The following CLIP4 variants were observed in gnomAD, a reference collection of about 807,000 sequenced individuals.
The protein encoded by CLIP4 is CAP-Gly domain-containing linker protein 4.
Under a neutral mutation model 73.1 loss-of-function variants are expected in CLIP4, and 47 were observed. That is an observed-to-expected ratio of 0.64 (90% CI 0.51 to 0.82). The LOEUF is 0.82. Ranked by LOEUF, CLIP4 falls within the 40% of genes least tolerant of loss-of-function variation. CLIP4 has a pLI of 0.00. For missense variants in CLIP4, 874 were observed against 852.9 expected (o/e 1.02, Z -0.31); for synonymous variants, 306 against 295.4 (o/e 1.04, Z -0.37).
intron 11 of CLIP4, 138 bp from the exon 12 acceptor site, chr2:29,160,195 T>C (rs1385406153): frequency 1.3e-5 from 13 of 990,430 alleles, no homozygotes; most frequent in Non-Finnish European, 1.8e-5. Context: ...AGGCATCAGA[T>C]ATCAAAATCA....
At chr2:29,151,697 G>C (rs1666579835) in intron 8 of CLIP4, among the ~76,000 whole-genome samples, 1 of 152,072 alleles carries the variant, frequency 6.6e-6, no homozygotes, top group South Asian at 2.1e-4. Context: ...AGTTGTTTTT[G>C]ATATATTCCA....
At position 29,147,125 on chromosome 2, in the gene CLIP4, G is replaced by A. The variant is rs546095712; in HGVS notation, c.1021+1758G>A. Among the ~76,000 whole-genome samples the A allele has an allele frequency of 6.7e-4, 102 of 152,146 alleles. 1 individual carries two copies. Among genetic ancestry groups the A allele is most frequent in the African/African-American group, 2.3e-3 (94 of 41,534 alleles). On this transcript the variant is annotated intron_variant, in intron 8 of 15. Transcript: ENST00000320081. ...ACATATTGTTTGAAAATTTGATTTTGAATAGCTCCATTTCCTTTAATTTTT... is the reference window on the plus strand; with the variant it reads ...ACATATTGTTTGAAAATTTGATTTTAAATAGCTCCATTTCCTTTAATTTTT...
At chr2:29,137,471 G>A (rs1665451300) in intron 6 of CLIP4, among the ~76,000 whole-genome samples, 1 of 152,108 alleles carries the variant, frequency 6.6e-6, no homozygotes, top group Non-Finnish European at 1.5e-5. Flanking sequence ...TATGAATCGT[G>A]CTGTGAAAAA....
chr2:29,123,964 C>CAT (rs1664429918), intron 2 of CLIP4, among the ~76,000 whole-genome samples: 1 of 152,166 alleles, frequency 6.6e-6, no homozygotes, highest in Non-Finnish European at 1.5e-5. Flanking sequence ...GCAGAATACA[C>CAT]ATTATATACA....
chr2:29,131,007 G>A, intron 2 of CLIP4: 1 of 995,968 alleles, frequency 1.0e-6, no homozygotes, highest in Non-Finnish European at 1.3e-6. Flanking sequence ...GTATTATTTA[G>A]TCTGAGCTTT....
At chr2:29,164,236 G>A (rs989983624) in intron 13 of CLIP4, among the ~76,000 whole-genome samples, 5 of 152,212 alleles carry the variant, frequency 3.3e-5, no homozygotes, top group Admixed American at 3.3e-4. Context: ...AGTGAGAGCA[G>A]CAAGCTTAAT....
At chr2:29,174,670 T>C (rs1463663841) in intron 15 of CLIP4, 2 of 1,243,262 alleles carry the variant, frequency 1.6e-6, no homozygotes, top group Non-Finnish European at 2.0e-6. Flanking sequence ...ATATATTTTA[T>C]CTTCATAGAG....
intron 8 of CLIP4, among the ~76,000 whole-genome samples, chr2:29,151,503 C>A (rs73920709): frequency 1.9e-3 from 282 of 148,564 alleles, no homozygotes; most frequent in African/African-American, 6.9e-3. Flanking sequence ...AGGTAGGAGA[C>A]AGAAGAGAGA....
chr2:29,107,358 GTTTTTTTT>G (rs796180363), intron 1 of CLIP4, among the ~76,000 whole-genome samples: 20 of 65,354 alleles, frequency 3.1e-4, no homozygotes, highest in Admixed American at 4.6e-4. Flanking sequence ...GAACATGATA[GTTTTTTTT>G]TTTTTTTTTT....
At chr2:29,135,492 A>AT in intron 5 of CLIP4, 56 bp from the exon 6 acceptor site, 1 of 1,330,134 alleles carries the variant, frequency 7.5e-7, no homozygotes, top group Non-Finnish European at 1.1e-6. Context: ...CTTCTTTTAA[A>AT]TTATGATAGC....
chr2:29,146,145 G>A (rs1666149667), intron 8 of CLIP4, among the ~76,000 whole-genome samples: 1 of 152,168 alleles, frequency 6.6e-6, no homozygotes, highest in Non-Finnish European at 1.5e-5. Flanking sequence ...GTGATGAGAG[G>A]GGTTTTTTCG....
At chr2:29,135,155 A>G (rs939112099) in intron 5 of CLIP4, among the ~76,000 whole-genome samples, 2 of 152,216 alleles carry the variant, frequency 1.3e-5, no homozygotes, top group Admixed American at 6.5e-5. Flanking sequence ...CCTCTGAGTC[A>G]TAGGTTGCTG....
intron 8 of CLIP4, among the ~76,000 whole-genome samples, chr2:29,147,673 C>T (rs1252140315): frequency 2.6e-5 from 4 of 151,842 alleles, no homozygotes; most frequent in African/African-American, 9.7e-5. Context: ...TTAGGATATT[C>T]ATCACTTCAA....
chr2:29,131,500 T>C, intron 3 of CLIP4, 103 bp downstream of exon 3: 1 of 1,224,520 alleles, frequency 8.2e-7, no homozygotes, highest in Non-Finnish European at 1.1e-6. Context: ...AGAAACCCTT[T>C]AAAAGTTCTG....
chr2:29,107,083 T>C (rs1466499706), intron 1 of CLIP4, among the ~76,000 whole-genome samples: 1 of 152,164 alleles, frequency 6.6e-6, no homozygotes, highest in East Asian at 1.9e-4. Flanking sequence ...GGAGAGTCAT[T>C]TGATCCATTG....
rs56058941 is a variant in CLIP4, at chr2:29,104,287, T to C, written c.-16+6340T>C. On this transcript the variant is annotated intron_variant, in intron 1 of 14. Coordinates refer to the CLIP4 transcript ENST00000401605. The stretch of plus-strand genomic sequence containing the variant: ...TTTTCTAGGGTCTCTTTGTTTTTGT[T>C]TGTTTGTTTTGAGACAGGGTCTCTG... Among the ~76,000 whole-genome samples the C allele has an allele frequency of 9.6e-3, 1,462 of 152,148 alleles. 29 individuals carry two copies. Among genetic ancestry groups the C allele is most frequent in the African/African-American group, 0.034 (1,392 of 41,510 alleles).
At chr2:29,180,152 G>A (rs1037398089) in intron 15 of CLIP4, among the ~76,000 whole-genome samples, 1 of 152,154 alleles carries the variant, frequency 6.6e-6, no homozygotes, top group African/African-American at 2.4e-5. Context: ...TAGGGAGAGG[G>A]GTTTCTTTTG....
At chr2:29,099,102 C>A (rs1283142138) in intron 1 of CLIP4, among the ~76,000 whole-genome samples, 2 of 152,160 alleles carry the variant, frequency 1.3e-5, no homozygotes, top group Non-Finnish European at 2.9e-5. Context: ...GGATAACAGT[C>A]TTTACCAGAC....
chr2:29,179,917 G>A (rs545078828), intron 15 of CLIP4, among the ~76,000 whole-genome samples: 1 of 152,184 alleles, frequency 6.6e-6, no homozygotes, highest in African/African-American at 2.4e-5. Flanking sequence ...ACTGGCAGAT[G>A]TGGCTTAGAA....
Sources: allele counts gnomAD v4.1 joint callset (sites outside exome capture counted in the v4.1 genomes callset), GRCh38; gene constraint gnomAD v4.1.1; transcripts MANE v1.5; gene names NCBI Gene and HGNC (gene_info 2026-07-23, HGNC 2026-07-21).